Variants in SSBP3 observed in about 807,000 individuals in gnomAD.
The protein encoded by SSBP3 is single stranded DNA binding protein 3, also known as single-stranded DNA-binding protein 3.
In SSBP3, 5 loss-of-function variants were observed where a neutral mutation model predicts 69.6. The observed-to-expected ratio is 0.07, with a 90% CI of 0.04 to 0.15. SSBP3 has a LOEUF of 0.15. Ranked by LOEUF, SSBP3 falls within the 10% of genes least tolerant of loss-of-function variation. The pLI, the probability that SSBP3 is intolerant of heterozygous loss-of-function variation, is 1.00. For missense variants in SSBP3, 312 were observed against 534.0 expected (o/e 0.58, Z 4.10); for synonymous variants, 196 against 193.4 (o/e 1.01, Z -0.11).
chr1:54,265,154 C>T (rs1645079619), intron 5 of SSBP3, among the ~76,000 whole-genome samples: 1 of 152,158 alleles, frequency 6.6e-6, no homozygotes, highest in Admixed American at 6.5e-5. Context: ...GTCTGCCTCA[C>T]CCACAGCCCC....
intron 4 of SSBP3, among the ~76,000 whole-genome samples, chr1:54,341,468 T>A (rs72665936): frequency 0.051 from 7,832 of 152,160 alleles, 267 homozygotes; most frequent in Non-Finnish European, 0.081. Context: ...ACTGCATCCA[T>A]GGGCCAAAGA....
chr1:54,314,200 C>T (rs1646056232), intron 4 of SSBP3, among the ~76,000 whole-genome samples: 1 of 152,196 alleles, frequency 6.6e-6, no homozygotes, highest in Admixed American at 6.5e-5. Flanking sequence ...TAGACCCAGT[C>T]TCCAAGGGGA....
At chr1:54,250,226 C>A (rs1292519116) in intron 9 of SSBP3, among the ~76,000 whole-genome samples, 2 of 152,238 alleles carry the variant, frequency 1.3e-5, no homozygotes, top group Non-Finnish European at 2.9e-5. Flanking sequence ...GGAAGGAACA[C>A]AACCAGAATA....
chr1:54,401,867 A>G (rs376184992), exon 4 of SSBP3: 24 of 1,613,280 alleles, frequency 1.5e-5, no homozygotes, highest in South Asian at 2.2e-5. Flanking sequence ...TCACATAATC[A>G]TGAAAGGCTT....
At chr1:54,405,022 G>T in intron 1 of SSBP3, 92 bp from the exon 2 acceptor site, 1 of 1,141,220 alleles carries the variant, frequency 8.8e-7, no homozygotes, top group Non-Finnish European at 1.3e-6. Context: ...TTTGAGCCCT[G>T]TCTGCGCCGT....
intron 4 of SSBP3, among the ~76,000 whole-genome samples, chr1:54,362,795 T>C (rs946224305): frequency 5.9e-5 from 9 of 152,238 alleles, no homozygotes; most frequent in Admixed American, 5.9e-4. Context: ...CACGCTAGAC[T>C]GCCCTGGGGA....
intron 4 of SSBP3, among the ~76,000 whole-genome samples, chr1:54,355,172 T>TGA (rs1379302973): frequency 6.6e-6 from 1 of 152,202 alleles, no homozygotes; most frequent in African/African-American, 2.4e-5. Context: ...AAACGTCTGA[T>TGA]GAGAGAATGA....
At chr1:54,253,103 A>C (rs539171245) in intron 7 of SSBP3, among the ~76,000 whole-genome samples, 53 of 151,806 alleles carry the variant, frequency 3.5e-4, no homozygotes, top group African/African-American at 9.9e-4. Context: ...TGTGTGGTTA[A>C]GGTACGAGAG....
At chr1:54,230,915 AGAAG>A (rs1468438247) in intron 14 of SSBP3, among the ~76,000 whole-genome samples, 1 of 152,234 alleles carries the variant, frequency 6.6e-6, no homozygotes, top group Non-Finnish European at 1.5e-5. Flanking sequence ...ATTCATCAGC[AGAAG>A]GAACGTTCAG....
intron 4 of SSBP3, among the ~76,000 whole-genome samples, chr1:54,303,936 C>T (rs1485337350): frequency 6.6e-6 from 1 of 152,210 alleles, no homozygotes; most frequent in East Asian, 1.9e-4. Context: ...AAATAACCTG[C>T]AAGGCCCTCA....
chr1:54,270,648 G>T (rs943307578), intron 5 of SSBP3, among the ~76,000 whole-genome samples: 2 of 152,172 alleles, frequency 1.3e-5, no homozygotes, highest in Non-Finnish European at 2.9e-5. Context: ...GGCAGCTCTT[G>T]TTCTTGGGTA....
chr1:54,371,261 G>A (rs1647128422), intron 4 of SSBP3, among the ~76,000 whole-genome samples: 1 of 152,244 alleles, frequency 6.6e-6, no homozygotes, highest in Non-Finnish European at 1.5e-5. Flanking sequence ...ATTAGGTTTA[G>A]AGCGCATTAA....
intron 14 of SSBP3, among the ~76,000 whole-genome samples, chr1:54,234,578 C>G (rs1410333551): frequency 1.3e-5 from 2 of 151,948 alleles, no homozygotes; most frequent in East Asian, 3.9e-4. Context: ...GACAGACACC[C>G]TATCTCTAAA....
chr1:54,235,868 A>C (rs1429573045), intron 14 of SSBP3, among the ~76,000 whole-genome samples: 1 of 152,176 alleles, frequency 6.6e-6, no homozygotes, highest in East Asian at 1.9e-4. Flanking sequence ...TTGGATTCCA[A>C]ATATGTTATA....
At chr1:54,369,219 G>GGC (rs1647081089) in intron 4 of SSBP3, among the ~76,000 whole-genome samples, 1 of 53,122 alleles carries the variant, frequency 1.9e-5, no homozygotes, top group South Asian at 8.6e-4. Flanking sequence ...CTCTTGAGTC[G>GGC]GGGGGGGGGC....
At chr1:54,399,357 C>T (rs567067344) in intron 4 of SSBP3, among the ~76,000 whole-genome samples, 1 of 152,346 alleles carries the variant, frequency 6.6e-6, no homozygotes, top group Non-Finnish European at 1.5e-5. Flanking sequence ...TTCTAACTAC[C>T]ACTTCCCAGC....
intron 4 of SSBP3, among the ~76,000 whole-genome samples, chr1:54,388,272 G>C (rs1335956065): frequency 6.6e-6 from 1 of 152,140 alleles, no homozygotes; most frequent in African/African-American, 2.4e-5. Context: ...AGGTAGAGTG[G>C]GGCTCTGGGT....
At chr1:54,300,302 G>A (rs1026179996) in intron 4 of SSBP3, among the ~76,000 whole-genome samples, 3 of 152,128 alleles carry the variant, frequency 2.0e-5, no homozygotes, top group Non-Finnish European at 2.9e-5. Flanking sequence ...AGCACAGGAA[G>A]AGCTGGCCTG....
intron 4 of SSBP3, among the ~76,000 whole-genome samples, chr1:54,367,936 G>A (rs1302968068): frequency 6.6e-6 from 1 of 152,174 alleles, no homozygotes; most frequent in East Asian, 1.9e-4. Context: ...TGGAAAACTG[G>A]AAACAAGCAA....
Sources: gnomAD v4.1 joint callset for allele counts (sites outside exome capture counted in the v4.1 genomes callset) on GRCh38, gnomAD v4.1.1 for gene constraint, MANE v1.5 for transcripts, NCBI Gene and HGNC (gene_info 2026-07-23, HGNC 2026-07-21) for gene names.